NTNG1: variants seen among roughly 807,000 people sequenced by gnomAD.
The protein encoded by NTNG1 is netrin G1, also known as netrin-G1.
A neutral mutation model predicts 54.0 loss-of-function variants in NTNG1; 16 were observed. The observed-to-expected ratio is 0.30, with a 90% CI of 0.20 to 0.45. NTNG1 has a LOEUF of 0.45. Ranked by LOEUF, NTNG1 falls within the 20% of genes least tolerant of loss-of-function variation. NTNG1 has a pLI of 1.00. For missense variants in NTNG1, 530 were observed against 678.7 expected (o/e 0.78, Z 2.43); for synonymous variants, 255 against 263.1 (o/e 0.97, Z 0.30).
intron 3 of NTNG1, among the ~76,000 whole-genome samples, chr1:107,363,163 A>G (rs1007428513): frequency 2.0e-5 from 3 of 152,234 alleles, no homozygotes; most frequent in African/African-American, 7.2e-5. Flanking sequence ...ATAGTTTTCA[A>G]AAGAAAGCAT....
intron 1 of NTNG1, among the ~76,000 whole-genome samples, chr1:107,141,681 C>G (rs748795861): frequency 2.2e-4 from 33 of 152,198 alleles, no homozygotes; most frequent in South Asian, 8.3e-4. Flanking sequence ...CACCCACACA[C>G]AAGTCTTCCC....
At chr1:107,144,594 TGAAA>T (rs1404150317) in intron 1 of NTNG1, among the ~76,000 whole-genome samples, 1 of 151,914 alleles carries the variant, frequency 6.6e-6, no homozygotes, top group Non-Finnish European at 1.5e-5. Flanking sequence ...TTTTTTCTGG[TGAAA>T]GAAAGGGCCT....
intron 2 of NTNG1, among the ~76,000 whole-genome samples, chr1:107,235,892 C>G (rs1243746412): frequency 6.6e-6 from 1 of 152,076 alleles, no homozygotes; most frequent in African/African-American, 2.4e-5. Flanking sequence ...CACTAAGATA[C>G]TGAAATTTAA....
In NTNG1 at chr1:107,205,647, G is replaced by A. The variant is rs547976220; in HGVS notation, c.246+56808G>A. ...TTTTTTAAAAAAAACTATATAATCC[G>A]TCTAACATACACGCAGAAATGTGCC... is the stretch of plus-strand genomic sequence containing the variant. On this transcript the variant is annotated intron_variant, in intron 2 of 7. Transcript: ENST00000370068. Among the ~76,000 whole-genome samples, 12 of 151,642 alleles carry A rather than the reference G, an allele frequency of 7.9e-5. 1 individual carries two copies. The highest frequency in any genetic ancestry group is 2.6e-4 in the Admixed American group (4 of 15,226).
chr1:107,374,126 AGAAAT>A (rs1051793110), intron 3 of NTNG1, among the ~76,000 whole-genome samples: 31 of 152,318 alleles, frequency 2.0e-4, no homozygotes, highest in African/African-American at 6.5e-4. Flanking sequence ...GTTTTCAAAA[AGAAAT>A]CTGTGTGTAA....
intron 3 of NTNG1, among the ~76,000 whole-genome samples, chr1:107,340,246 C>G (rs141662343): frequency 3.3e-5 from 5 of 152,090 alleles, no homozygotes; most frequent in Middle Eastern, 3.4e-3. Flanking sequence ...TTTATTTCTC[C>G]TTTCCCTAAG....
intron 2 of NTNG1, among the ~76,000 whole-genome samples, chr1:107,294,452 C>T (rs1665816587): frequency 6.6e-6 from 1 of 152,178 alleles, no homozygotes; most frequent in South Asian, 2.1e-4. Flanking sequence ...TGGGCCAGTT[C>T]AGAGCATGAA....
At chr1:107,222,831 G>A (rs1296361295) in intron 2 of NTNG1, among the ~76,000 whole-genome samples, 1 of 138,972 alleles carries the variant, frequency 7.2e-6, no homozygotes. Context: ...TGGAGCAGAA[G>A]TGGTGGGTGA....
intron 2 of NTNG1, among the ~76,000 whole-genome samples, chr1:107,296,749 T>G (rs958282829): frequency 2.7e-5 from 4 of 148,246 alleles, no homozygotes; most frequent in Non-Finnish European, 4.5e-5. Flanking sequence ...CAATTATATA[T>G]GTATCATTCC....
At chr1:107,474,144 A>G (rs772392516) in intron 7 of NTNG1, among the ~76,000 whole-genome samples, 3 of 152,244 alleles carry the variant, frequency 2.0e-5, no homozygotes, top group Non-Finnish European at 4.4e-5. Flanking sequence ...AACTATTTGC[A>G]TCCAGCACTG....
At chr1:107,273,801 G>T (rs1664304784) in intron 2 of NTNG1, among the ~76,000 whole-genome samples, 1 of 152,198 alleles carries the variant, frequency 6.6e-6, no homozygotes, top group Non-Finnish European at 1.5e-5. Context: ...CCCAGTTGGT[G>T]ATCCCTGAAT....
At chr1:107,153,155 T>A (rs1184131714) in intron 2 of NTNG1, among the ~76,000 whole-genome samples, 2 of 152,202 alleles carry the variant, frequency 1.3e-5, no homozygotes, top group African/African-American at 4.8e-5. Flanking sequence ...GTACAAAGCC[T>A]TTGTGTTTTG....
chr1:107,141,582 G>C (rs1653717889), intron 1 of NTNG1: 1 of 152,268 alleles, frequency 6.6e-6, no homozygotes, highest in Non-Finnish European at 1.5e-5. Flanking sequence ...AGGCGGGAGG[G>C]AAGGCTCCGG....
At chr1:107,213,104 T>C (rs1278525964) in intron 2 of NTNG1, among the ~76,000 whole-genome samples, 1 of 151,818 alleles carries the variant, frequency 6.6e-6, no homozygotes, top group Non-Finnish European at 1.5e-5. Context: ...CTGTTAAATT[T>C]CTCATTTTGT....
chr1:107,324,780 A>G lies in NTNG1; in HGVS notation c.745A>G (p.Thr249Ala), dbSNP rs760384404. Residue 249 changes from threonine (T) to alanine (A), a missense_variant, in exon 3 of 8, where the codon ACA (threonine) becomes GCA (alanine). By Grantham distance (58) the Thr-to-Ala change is moderately conservative (BLOSUM62 0). Around this residue, in one of 2 missense-constraint regions of NTNG1, gnomAD observed 318 missense variants for 465.1 expected, o/e 0.68. Transcript: ENST00000370068. ...GGCTTCCCTCTACGGACAGCTGGAT[A>G]CAACCAAGAAACTCAGAGATTTCTT... ...NMASLYGQLD[T>A]TKKLRDFFTV... is the part of the protein sequence containing the mutation. The G allele has an allele frequency of 1.2e-6, 2 of 1,613,620 alleles. No individual in the cohort carries two copies. The highest frequency in any genetic ancestry group is 1.7e-6 in the Non-Finnish European group (2 of 1,179,764).
At chr1:107,184,324 C>A (rs1657291688) in intron 2 of NTNG1, among the ~76,000 whole-genome samples, 2 of 152,142 alleles carry the variant, frequency 1.3e-5, no homozygotes, top group South Asian at 4.2e-4. Flanking sequence ...ACATGGGAGA[C>A]ACACAGCAGT....
chr1:107,301,188 ATTTAT>A (rs992213064), intron 2 of NTNG1, among the ~76,000 whole-genome samples: 2 of 152,254 alleles, frequency 1.3e-5, no homozygotes, highest in African/African-American at 4.8e-5. Flanking sequence ...TAATGTTTAG[ATTTAT>A]TTTGATTATT....
At chr1:107,327,779 A>G (rs1270483961) in intron 3 of NTNG1, among the ~76,000 whole-genome samples, 1 of 152,188 alleles carries the variant, frequency 6.6e-6, no homozygotes, top group Non-Finnish European at 1.5e-5. Flanking sequence ...GTAAACATCT[A>G]TAGTATAGTG....
Position 107,419,736 on chromosome 1 carries a change from C to T in NTNG1, c.1088-11014C>T, listed in dbSNP as rs17018989. Among the ~76,000 whole-genome samples, 855 of 151,446 alleles carry T rather than the reference C, an allele frequency of 5.6e-3. 13 individuals carry two copies. The highest frequency in any genetic ancestry group is 0.02 in the African/African-American group (816 of 41,296). ...AAAAGGAAATGAGCAAAAGGAGGAA[C>T]CAGGAAATAGCTGCTAAGCAAAACA... On this transcript the variant is annotated intron_variant, in intron 5 of 7. Transcript: ENST00000370068.
Sources: gnomAD v4.1 joint callset for allele counts (sites outside exome capture counted in the v4.1 genomes callset) on GRCh38, gnomAD v4.1.1 for gene constraint, gnomAD v4.1.1 regional missense constraint, MANE v1.5 for transcripts, NCBI Gene and HGNC (gene_info 2026-07-23, HGNC 2026-07-21) for gene names.